Variants in THSD7B observed in about 807,000 individuals in gnomAD.
THSD7B encodes thrombospondin type-1 domain-containing protein 7B.
A neutral mutation model predicts 213.6 loss-of-function variants in THSD7B; 138 were observed. The observed-to-expected ratio is 0.65, with a 90% confidence interval of 0.56 to 0.74. The LOEUF (loss-of-function observed/expected upper bound fraction) is 0.74. Among genes scored for constraint, THSD7B ranks in the 30% least tolerant of loss-of-function variants. THSD7B has a pLI of 0.00. For synonymous variants in THSD7B, 742 were observed against 687.0 expected, an observed-to-expected ratio of 1.08 and a Z score of -1.25; for missense variants, 1,931 against 1,991.5, an observed-to-expected ratio of 0.97 and a Z score of 0.58.
chr2:137,380,180 G>A, intron 12 of THSD7B, among the ~76,000 whole-genome samples: 1 of 151,954 alleles, frequency 6.6e-6, no homozygotes, highest in East Asian at 1.9e-4. Flanking sequence ...TGGAGGCCAA[G>A]GTGAGAGGAT....
chr2:136,965,570 C>A lies in THSD7B; in HGVS notation c.139+83253C>A, dbSNP rs563995475. 3.0e-4 allele frequency among the ~76,000 whole-genome samples: 46 copies of A among 152,224 alleles called. No individual in the cohort carries two copies. The Middle Eastern group carries it at 0.014, about 45-fold the overall frequency. On this transcript the variant is annotated intron_variant, in intron 2 of 27. Coordinates refer to ENST00000409968, the MANE Select transcript of THSD7B (RefSeq NM_001316349.2). ...CACTTTGCTTAATGAAACCGCTTTC[C>A]TGAACCTCACCAATGACTTTTTATT...
At chr2:136,859,936 T>C (rs1683233958) in intron 1 of THSD7B, among the ~76,000 whole-genome samples, 1 of 151,728 alleles carries the variant, frequency 6.6e-6, no homozygotes, top group African/African-American at 2.4e-5. Flanking sequence ...AGAAACCAAA[T>C]CATTCCAGAA....
intron 2 of THSD7B, among the ~76,000 whole-genome samples, chr2:136,990,173 A>T (rs1021779334): frequency 6.6e-6 from 1 of 152,378 alleles, no homozygotes; most frequent in East Asian, 1.9e-4. Context: ...TTATACATGT[A>T]GTTAACGGCG....
intron 14 of THSD7B, among the ~76,000 whole-genome samples, chr2:137,413,134 A>G (rs939386798): frequency 2.0e-5 from 3 of 152,122 alleles, no homozygotes; most frequent in Non-Finnish European, 4.4e-5. Context: ...ATGACTTTTA[A>G]ATTAATACTC....
chr2:136,938,808 T>C (rs906546778), intron 2 of THSD7B, among the ~76,000 whole-genome samples: 2 of 152,176 alleles, frequency 1.3e-5, no homozygotes, highest in East Asian at 3.9e-4. Context: ...AATTCTGTAA[T>C]AGAGTAATCT....
chr2:137,287,528 A>G (rs1451892630), intron 12 of THSD7B, among the ~76,000 whole-genome samples: 1 of 152,102 alleles, frequency 6.6e-6, no homozygotes, highest in Admixed American at 6.5e-5. Context: ...TAGAATGTGC[A>G]CACTTTTTTA....
chr2:136,936,416 A>G (rs1684729696), intron 2 of THSD7B, among the ~76,000 whole-genome samples: 2 of 152,220 alleles, frequency 1.3e-5, no homozygotes, highest in African/African-American at 4.8e-5. Flanking sequence ...ATGTGGAACC[A>G]ACCCAAAAGT....
chr2:137,570,955 T>C (rs1372575645), intron 16 of THSD7B, among the ~76,000 whole-genome samples: 1 of 152,166 alleles, frequency 6.6e-6, no homozygotes, highest in Non-Finnish European at 1.5e-5. Flanking sequence ...TTTTGAAAAA[T>C]AATTATAAAA....
At chr2:137,075,162 A>G (rs1687592242) in intron 3 of THSD7B, among the ~76,000 whole-genome samples, 1 of 152,316 alleles carries the variant, frequency 6.6e-6, no homozygotes, top group East Asian at 1.9e-4. Context: ...AGTCTCCTAG[A>G]TAATATCCTG....
chr2:137,293,530 C>G (rs1683388654), intron 12 of THSD7B, among the ~76,000 whole-genome samples: 1 of 151,722 alleles, frequency 6.6e-6, no homozygotes, highest in African/African-American at 2.4e-5. Context: ...CTCTATCTTT[C>G]TATTTCTGCC....
chr2:137,149,877 G>A (rs542696516), intron 5 of THSD7B, among the ~76,000 whole-genome samples: 59 of 152,282 alleles, frequency 3.9e-4, no homozygotes, highest in Admixed American at 9.8e-4. Flanking sequence ...TTTGGACTTG[G>A]ACTTTCGGGT....
chr2:137,484,365 G>A (rs1688379946), intron 15 of THSD7B, among the ~76,000 whole-genome samples: 1 of 141,188 alleles, frequency 7.1e-6, no homozygotes, highest in Non-Finnish European at 1.5e-5. Context: ...CTTTTTTATG[G>A]CTGCATAGTA....
At chr2:136,988,109 C>T (rs1359374306) in intron 2 of THSD7B, among the ~76,000 whole-genome samples, 3 of 152,124 alleles carry the variant, frequency 2.0e-5, no homozygotes, top group African/African-American at 7.2e-5. Context: ...TAGAATATGG[C>T]CGTCTCCCCA....
At chr2:136,989,089 A>G (rs552280792) in intron 2 of THSD7B, among the ~76,000 whole-genome samples, 5 of 152,358 alleles carry the variant, frequency 3.3e-5, no homozygotes, top group African/African-American at 1.2e-4. Flanking sequence ...CTAGGAGCAG[A>G]TGGACATTCT....
In THSD7B at chr2:137,303,534, AAAAGTTGAGAG is replaced by A. The variant is rs557295808; in HGVS notation, c.2500+27510_2500+27520del. 1.6e-3 allele frequency among the ~76,000 whole-genome samples: 241 copies of A among 151,122 alleles called. 2 individuals carry two copies. The highest frequency in any genetic ancestry group is 5.5e-3 in the African/African-American group (228 of 41,212). On this transcript the variant is annotated intron_variant, in intron 12 of 27. Transcript: ENST00000409968. ...TCAAAGATTAATCTCAGGTTCATAG[AAAAGTTGAGAG>A]ATACATTAAGAAGTTGGGGTAGTCA...
At chr2:136,809,030 G>A (rs1477991416) in intron 1 of THSD7B, among the ~76,000 whole-genome samples, 1 of 152,200 alleles carries the variant, frequency 6.6e-6, no homozygotes, top group East Asian at 1.9e-4. Flanking sequence ...GGGCCTTGGG[G>A]ATCAAGCAGT....
chr2:137,358,865 G>T (rs896846911), intron 12 of THSD7B, among the ~76,000 whole-genome samples: 1 of 152,160 alleles, frequency 6.6e-6, no homozygotes, highest in African/African-American at 2.4e-5. Context: ...GGGTTTGGAT[G>T]TTCACAAATA....
intron 1 of THSD7B, among the ~76,000 whole-genome samples, chr2:136,823,323 T>C (rs888671910): frequency 6.6e-6 from 1 of 152,216 alleles, no homozygotes; most frequent in East Asian, 1.9e-4. Flanking sequence ...AACAGTTTAG[T>C]ACTTCATCTC....
At chr2:137,107,367 C>T (rs942630780) in intron 4 of THSD7B, among the ~76,000 whole-genome samples, 4 of 152,096 alleles carry the variant, frequency 2.6e-5, no homozygotes, top group African/African-American at 9.7e-5. Context: ...AGGAGAAGGT[C>T]ACACACTGGG....
Sources: gnomAD v4.1 joint callset for allele counts (sites outside exome capture counted in the v4.1 genomes callset) on GRCh38, gnomAD v4.1.1 for gene constraint, MANE v1.5 for transcripts, NCBI Gene and HGNC (gene_info 2026-07-23, HGNC 2026-07-21) for gene names.